Variants in BTBD8 observed in about 807,000 individuals in gnomAD.
BTBD8 encodes BTB/POZ domain-containing protein 8.
A neutral mutation model predicts 162.9 loss-of-function variants in BTBD8; 110 were observed. The ratio of observed to expected loss-of-function variants is 0.68; its 90% CI spans 0.58 to 0.79. BTBD8 has a LOEUF of 0.79. BTBD8 is among the 30% of genes least tolerant of loss of function. The pLI is 0.00. For missense variants in BTBD8, 1,905 were observed against 2,085.4 expected (o/e 0.91, Z 1.68); for synonymous variants, 667 against 716.1 (o/e 0.93, Z 1.10).
intron 9 of BTBD8, among the ~76,000 whole-genome samples, chr1:92,160,567 T>A (rs1259403769): frequency 6.6e-6 from 1 of 152,040 alleles, no homozygotes; most frequent in Non-Finnish European, 1.5e-5. Flanking sequence ...TTCTTTCTAG[T>A]GGCTTCCAAG....
In BTBD8 at chr1:92,145,703, C is replaced by T. The variant is rs540916709; in HGVS notation, c.931-1477C>T. On this transcript the variant is annotated intron_variant, in intron 7 of 17. Transcript: ENST00000636805. ...CTTTTAAAAAATACCTTACGTAGGC[C>T]GGGTGTGGTGGCTCACGCCTGTAAT... Among the ~76,000 whole-genome samples, 4 of 152,236 alleles carry T rather than the reference C, an allele frequency of 2.6e-5. No homozygotes were observed. In the East Asian group the frequency reaches 5.8e-4, roughly 22 times the overall value.
intron 7 of BTBD8, among the ~76,000 whole-genome samples, chr1:92,143,176 T>C (rs537129547): frequency 1.3e-5 from 2 of 152,320 alleles, no homozygotes; most frequent in African/African-American, 4.8e-5. Context: ...AAAGCATTCG[T>C]TGGGAAAATA....
chr1:92,091,774 T>G (rs1185311021), intron 2 of BTBD8, among the ~76,000 whole-genome samples: 2 of 152,220 alleles, frequency 1.3e-5, no homozygotes, highest in African/African-American at 4.8e-5. Context: ...TGTTTTTATA[T>G]TTTTAACTCT....
At position 92,179,207 on chromosome 1, in the gene BTBD8, C is replaced by G. The variant is rs1362628773; in HGVS notation, c.2581+756C>G. 4.0e-5 allele frequency among the ~76,000 whole-genome samples: 6 copies of G among 149,460 alleles called. No homozygotes were observed. The East Asian group carries it at 1.2e-3, about 30-fold the overall frequency. The stretch of plus-strand genomic sequence containing the variant: ...GTTGCAGTCAGCTGAGATCTTGCCT[C>G]TATACTCCAGGCTGGGCGACAGAGC... On this transcript the variant is annotated intron_variant, in intron 16 of 17. Coordinates refer to ENST00000636805, the MANE Select transcript of BTBD8 (RefSeq NM_001376131.1).
At chr1:92,102,164 C>G (rs920506686) in intron 2 of BTBD8, among the ~76,000 whole-genome samples, 2 of 152,004 alleles carry the variant, frequency 1.3e-5, no homozygotes, top group African/African-American at 4.8e-5. Flanking sequence ...TTACAGACAC[C>G]CGCCACCATG....
chr1:92,115,142 G>A, intron 4 of BTBD8: 1 of 509,496 alleles, frequency 2.0e-6, no homozygotes, highest in East Asian at 5.1e-5. Context: ...TCGACTTGGG[G>A]ATGACCTTGC....
At position 92,107,875 on chromosome 1, in the gene BTBD8, T is replaced by G. The variant is rs746287892; in HGVS notation, c.545-9T>G. 6.3e-7 allele frequency: 1 copy of G among 1,596,238 alleles called. No individual in the cohort carries two copies. The highest frequency in any genetic ancestry group is 1.4e-5 in the African/African-American group (1 of 73,650). On this transcript the variant is annotated splice_polypyrimidine_tract_variant and intron_variant, in intron 3 of 17. Coordinates refer to ENST00000636805, the MANE Select transcript of BTBD8 (RefSeq NM_001376131.1). ...AACTATTTTTTAGTCTTGTTTTTCT[T>G]TTTTAAAGATAATTATGACTTGGAG...
chr1:92,145,205 C>T (rs1361028651), intron 7 of BTBD8, among the ~76,000 whole-genome samples: 4 of 152,172 alleles, frequency 2.6e-5, no homozygotes, highest in African/African-American at 9.7e-5. Context: ...CTCATGTAAT[C>T]CACCTTGCCT....
At chr1:92,168,199 T>C (rs1242342157) in intron 11 of BTBD8, among the ~76,000 whole-genome samples, 1 of 152,202 alleles carries the variant, frequency 6.6e-6, no homozygotes, top group African/African-American at 2.4e-5. Flanking sequence ...TATAAAAGTT[T>C]AGAAATTGGC....
chr1:92,166,133 T>G (rs2100666515), intron 9 of BTBD8, among the ~76,000 whole-genome samples: 1 of 152,146 alleles, frequency 6.6e-6, no homozygotes, highest in East Asian at 1.9e-4. Context: ...TCCATAGTAA[T>G]GAATGATGAA....
At chr1:92,148,007 T>C (rs1347386907) in intron 9 of BTBD8, among the ~76,000 whole-genome samples, 1 of 152,154 alleles carries the variant, frequency 6.6e-6, no homozygotes, top group Non-Finnish European at 1.5e-5. Flanking sequence ...ACCACTAGGA[T>C]GTGTATATTG....
intron 1 of BTBD8, among the ~76,000 whole-genome samples, chr1:92,081,114 A>G (rs1439077950): frequency 6.6e-6 from 1 of 152,224 alleles, no homozygotes; most frequent in African/African-American, 2.4e-5. Context: ...TAAAATTAGG[A>G]AAACGATTAT....
At chr1:92,093,843 G>C (rs974568637) in intron 2 of BTBD8, among the ~76,000 whole-genome samples, 1 of 152,130 alleles carries the variant, frequency 6.6e-6, no homozygotes, top group Non-Finnish European at 1.5e-5. Context: ...ATAGTAGTAG[G>C]TGCTATGAAA....
In BTBD8 at chr1:92,178,361, G is replaced by A. The variant is rs748097494; in HGVS notation, c.2491G>A (p.Ala831Thr). 6.4e-7 allele frequency: 1 copy of A among 1,551,586 alleles called. No individual in the cohort carries two copies. Among genetic ancestry groups the A allele is most frequent in the South Asian group, 1.2e-5 (1 of 84,044 alleles). ...AGGATGTAGTGAGCCAGTACCACAG[G>A]CAATTTTGAAGAAAAGAGGAACTAG... ...GKGCSEPVPQ[A>T]ILKKRGTSNG... Residue 831 changes from alanine to threonine, a missense_variant, in exon 16 of 18, where the codon GCA (alanine) becomes ACA (threonine). Around this residue, in one of 3 missense-constraint regions of BTBD8, gnomAD observed 1,374 missense variants for 1,442.7 expected, o/e 0.95. Coordinates refer to ENST00000636805, the MANE Select transcript of BTBD8 (RefSeq NM_001376131.1).
chr1:92,120,038 T>A (rs902133830), intron 4 of BTBD8, among the ~76,000 whole-genome samples: 5 of 151,382 alleles, frequency 3.3e-5, no homozygotes, highest in African/African-American at 1.2e-4. Flanking sequence ...GTAGCTGGGA[T>A]TGCAGGCATG....
At chr1:92,130,520 AT>A (rs57794272) in intron 5 of BTBD8, among the ~76,000 whole-genome samples, 93,698 of 144,570 alleles carry the variant, frequency 0.65, 30,885 homozygotes, top group East Asian at 0.96. Flanking sequence ...CTCAAAAAAA[AT>A]ATATATATAT....
intron 4 of BTBD8, among the ~76,000 whole-genome samples, chr1:92,115,974 A>G (rs1649033264): frequency 6.6e-6 from 1 of 152,084 alleles, no homozygotes; most frequent in Non-Finnish European, 1.5e-5. Flanking sequence ...TTCCTTTTCT[A>G]CAATAAGCAT....
chr1:92,096,923 G>A (rs1009071569), intron 2 of BTBD8, among the ~76,000 whole-genome samples: 8 of 152,042 alleles, frequency 5.3e-5, no homozygotes, highest in African/African-American at 1.4e-4. Context: ...ACCTTCAGCC[G>A]TTCCTCTTCA....
intron 2 of BTBD8, among the ~76,000 whole-genome samples, chr1:92,101,886 C>T (rs964154040): frequency 3.9e-5 from 6 of 151,976 alleles, no homozygotes; most frequent in South Asian, 2.1e-4. Flanking sequence ...TTTGTAAAGA[C>T]GAGGTCTCAC....
Sources: allele counts gnomAD v4.1 joint callset (sites outside exome capture counted in the v4.1 genomes callset), GRCh38; gene constraint gnomAD v4.1.1; regional missense constraint gnomAD v4.1.1; transcripts MANE v1.5; gene names NCBI Gene and HGNC (gene_info 2026-07-23, HGNC 2026-07-21).